The following PTCHD4 variants were observed in gnomAD, a reference collection of about 807,000 sequenced individuals.
PTCHD4 encodes the protein patched domain containing 4.
A neutral mutation model predicts 58.1 loss-of-function variants in PTCHD4; 33 were observed. The ratio of observed to expected loss-of-function variants is 0.57; its 90% CI spans 0.43 to 0.76. The LOEUF (loss-of-function observed/expected upper bound fraction) is 0.76. Among genes scored for constraint, PTCHD4 ranks in the 30% least tolerant of loss-of-function variants. The pLI, the probability that PTCHD4 is intolerant of heterozygous loss-of-function variation, is 0.00. For synonymous variants in PTCHD4, 478 were observed against 409.6 expected, an observed-to-expected ratio of 1.17 and a Z score of -2.02; for missense variants, 1,058 against 1,027.1, an observed-to-expected ratio of 1.03 and a Z score of -0.41.
At chr6:47,921,069 C>A (rs1178493507) in intron 4 of PTCHD4, among the ~76,000 whole-genome samples, 1 of 151,918 alleles carries the variant, frequency 6.6e-6, no homozygotes, top group Non-Finnish European at 1.5e-5. Flanking sequence ...AAACAAAAAG[C>A]AAAACAACTG....
At position 47,864,616 on chromosome 6, in the gene PTCHD4, G is replaced by T. The variant is rs1367019437; in HGVS notation, c.*13687C>A. ...CCATTGCATGGCACTGTGGCTCCAAGTTCCAACTCTTTTACATTTTCTCAA... is the reference window on the plus strand; with the variant it reads ...CCATTGCATGGCACTGTGGCTCCAATTTCCAACTCTTTTACATTTTCTCAA... On this transcript the variant is annotated 3_prime_UTR_variant, in exon 5 of 5. Coordinates refer to ENST00000339488, the MANE Select transcript of PTCHD4 (RefSeq NM_001384253.1). Among the ~76,000 whole-genome samples the T allele has an allele frequency of 2.0e-5, 3 of 151,880 alleles. No individual in the cohort carries two copies. Among genetic ancestry groups the T allele is most frequent in the African/African-American group, 7.2e-5 (3 of 41,402 alleles).
intron 4 of PTCHD4, among the ~76,000 whole-genome samples, chr6:47,998,108 G>A (rs568476017): frequency 3.3e-5 from 5 of 152,124 alleles, no homozygotes; most frequent in Non-Finnish European, 7.3e-5. Flanking sequence ...AATTGCAGCT[G>A]TCCTGCACCA....
At chr6:47,889,541 A>G (rs1258779574) in intron 4 of PTCHD4, among the ~76,000 whole-genome samples, 1 of 152,012 alleles carries the variant, frequency 6.6e-6, no homozygotes, top group Non-Finnish European at 1.5e-5. Context: ...TTCATTGTAG[A>G]TTCTGGATAT....
rs571101786 is a variant in PTCHD4 at position 47,955,669 on chromosome 6, T to C, written c.898+52965A>G. On this transcript the variant is annotated intron_variant, in intron 4 of 4. Coordinates refer to ENST00000339488, the MANE Select transcript of PTCHD4 (RefSeq NM_001384253.1). ...GATCAGAATAGAATATTATAAACAATATAAAAGTGCATTTTATTTAGTAAG... is the reference window on the plus strand; with the variant it reads ...GATCAGAATAGAATATTATAAACAACATAAAAGTGCATTTTATTTAGTAAG... Among the ~76,000 whole-genome samples the C allele has an allele frequency of 2.2e-4, 34 of 152,322 alleles. No individual in the cohort carries two copies. The South Asian group carries it at 6.6e-3, about 30-fold the overall frequency.
intron 4 of PTCHD4, among the ~76,000 whole-genome samples, chr6:47,959,359 A>G (rs1766994172): frequency 6.6e-6 from 1 of 152,180 alleles, no homozygotes; most frequent in Non-Finnish European, 1.5e-5. Flanking sequence ...AAGACATGTA[A>G]TGGGAACTAA....
chr6:47,942,646 A>G (rs1766276736), intron 4 of PTCHD4, among the ~76,000 whole-genome samples: 1 of 151,468 alleles, frequency 6.6e-6, no homozygotes, highest in Admixed American at 6.6e-5. Context: ...CAAAAAGCAA[A>G]CAACAACAAC....
At chr6:47,919,588 G>A (rs867820944) in intron 4 of PTCHD4, among the ~76,000 whole-genome samples, 1 of 152,152 alleles carries the variant, frequency 6.6e-6, no homozygotes, top group Non-Finnish European at 1.5e-5. Flanking sequence ...CCATGAGCGT[G>A]CTTAGAGAGG....
At chr6:47,914,815 C>A (rs1765193868) in intron 4 of PTCHD4, among the ~76,000 whole-genome samples, 3 of 151,088 alleles carry the variant, frequency 2.0e-5, no homozygotes, top group Admixed American at 2.0e-4. Context: ...CCTGTTGTTT[C>A]TTTTCTTCTG....
Position 47,877,680 on chromosome 6 carries a change from T to C in PTCHD4, c.*623A>G, listed in dbSNP as rs528321715. Among the ~76,000 whole-genome samples, 1 of 152,156 alleles carries C rather than the reference T, an allele frequency of 6.6e-6. No homozygotes were observed. The highest frequency in any genetic ancestry group is 1.9e-4 in the East Asian group (1 of 5,150). The stretch of plus-strand genomic sequence containing the variant: ...ATCTATAAATTTGGCTAAGGTTGAT[T>C]TGACTTTCTAGGGAAAAGCCAGCCT... On this transcript the variant is annotated 3_prime_UTR_variant, in exon 5 of 5. Transcript: ENST00000339488.
At chr6:47,966,564 TGTTTG>T (rs1767304219) in intron 4 of PTCHD4, among the ~76,000 whole-genome samples, 1 of 152,230 alleles carries the variant, frequency 6.6e-6, no homozygotes. Context: ...CATGTGATGC[TGTTTG>T]ATAGCATTTT....
chr6:48,056,719 G>A (rs1225195540), intron 3 of PTCHD4, among the ~76,000 whole-genome samples: 1 of 152,088 alleles, frequency 6.6e-6, no homozygotes, highest in African/African-American at 2.4e-5. Context: ...GCATTTCTAG[G>A]GGTCCTTAGA....
At chr6:47,936,989 GC>G (rs1371048822) in intron 4 of PTCHD4, among the ~76,000 whole-genome samples, 17 of 152,146 alleles carry the variant, frequency 1.1e-4, no homozygotes, top group African/African-American at 3.9e-4. Context: ...GCAGGCAATA[GC>G]AAGTCTGCTG....
At chr6:47,927,851 G>A (rs77603409) in intron 4 of PTCHD4, among the ~76,000 whole-genome samples, 1,599 of 151,506 alleles carry the variant, frequency 0.011, 33 homozygotes, top group African/African-American at 0.037. Flanking sequence ...TTGAACTTGT[G>A]GGCTCAAGCG....
intron 1 of PTCHD4, among the ~76,000 whole-genome samples, chr6:48,082,453 C>T (rs1420553575): frequency 6.6e-6 from 1 of 152,138 alleles, no homozygotes; most frequent in Non-Finnish European, 1.5e-5. Context: ...TCACATATTT[C>T]TTAAACAGAT....
intron 4 of PTCHD4, among the ~76,000 whole-genome samples, chr6:47,919,518 T>C (rs1765367379): frequency 6.6e-6 from 1 of 152,122 alleles, no homozygotes; most frequent in South Asian, 2.1e-4. Flanking sequence ...GAGTTAAATA[T>C]CTAAAGATAG....
At chr6:47,967,798 C>T (rs1335912415) in intron 4 of PTCHD4, among the ~76,000 whole-genome samples, 3 of 152,206 alleles carry the variant, frequency 2.0e-5, no homozygotes, top group African/African-American at 7.2e-5. Context: ...ACAGCTTCCT[C>T]ACCTCTCTCA....
In PTCHD4 at chr6:48,008,622, ATGGATAG is replaced by A; in HGVS notation, c.898+5_898+11del. On this transcript the variant is annotated splice_donor_5th_base_variant and intron_variant, in intron 4 of 4. Transcript: ENST00000339488. Reference sequence around the variant, plus strand: ...CGGTAAGAATCCGATTACCACAAGGATGGATAGTTACCCATGGCGAAGAACGGGATTC... The same window carrying A: ...CGGTAAGAATCCGATTACCACAAGGATTACCCATGGCGAAGAACGGGATTC... 1 of 1,611,290 alleles carries A rather than the reference ATGGATAG, an allele frequency of 6.2e-7. No individual in the cohort carries two copies. The highest frequency in any genetic ancestry group is 1.1e-5 in the South Asian group (1 of 90,594).
Position 47,879,753 on chromosome 6 carries a change from A to G in PTCHD4, c.1082T>C (p.Val361Ala). ...ACACATGTTTTGACAGAAGACCTTC[A>G]CAGCCTCTATGTTTGTGAATGGGCT... ...GASPFTNIEA[V>A]KVFCQNMCVS... The change falls in exon 5 of 5, where the codon GTG (valine) becomes GCG (alanine). Residue 361 changes from valine (V) to alanine (A), a missense_variant. Transcript: ENST00000339488. The G allele has an allele frequency of 6.2e-7, 1 of 1,613,694 alleles. No homozygotes were observed. The highest frequency in any genetic ancestry group is 8.5e-7 in the Non-Finnish European group (1 of 1,179,774).
At chr6:47,880,078 A>C (rs1763975766) in intron 4 of PTCHD4, 142 bp from the exon 5 acceptor site, 1 of 676,962 alleles carries the variant, frequency 1.5e-6, no homozygotes, top group East Asian at 2.9e-5. Flanking sequence ...GGGCCTCAAA[A>C]GTTGAGTTAT....
Sources: gnomAD v4.1 joint callset for allele counts (sites outside exome capture counted in the v4.1 genomes callset) on GRCh38, gnomAD v4.1.1 for gene constraint, MANE v1.5 for transcripts, NCBI Gene and HGNC (gene_info 2026-07-23, HGNC 2026-07-21) for gene names.